TF: variants seen among roughly 807,000 people sequenced by gnomAD.
TF encodes the protein serotransferrin.
Under a neutral mutation model 82.4 loss-of-function variants are expected in TF, and 55 were observed. The observed-to-expected ratio is 0.67, with a 90% CI of 0.54 to 0.84. The LOEUF (loss-of-function observed/expected upper bound fraction) is 0.84, where lower values mean the gene tolerates loss of function less well. TF is among the 40% of genes least tolerant of loss of function. TF has a pLI of 0.00. For synonymous variants in TF, 332 were observed against 332.6 expected (o/e 1.00, Z 0.02); for missense variants, 737 against 868.4 (o/e 0.85, Z 1.90).
intron 14 of TF, chr3:133,774,910 C>T (rs574636278): frequency 5.9e-4 from 210 of 357,410 alleles, no homozygotes; most frequent in African/African-American, 4.3e-3. Flanking sequence ...GCAAAGGGGC[C>T]GAGATGGGAT....
Position 133,781,590 on chromosome 3 carries a change from C to A in TF, c.*2970C>A, listed in dbSNP as rs1194440632. 1.3e-5 allele frequency: 2 copies of A among 152,066 alleles called. No homozygotes were observed. Among genetic ancestry groups the A allele is most frequent in the African/African-American group, 2.4e-5 (1 of 41,432 alleles). 9.4% of individuals were successfully genotyped at this position (152,066 alleles called of 1,614,324 possible). A position where few individuals can be genotyped will look rare whatever the true frequency, so the allele number is the denominator to read the frequency against. The stretch of plus-strand genomic sequence containing the variant: ...ACTCAGTATTGTAAAGATGTCAATT[C>A]TCCCTAAATTAATCAATATACAATT... On this transcript the variant is annotated 3_prime_UTR_variant, in exon 17 of 17. Coordinates refer to ENST00000402696, the MANE Select transcript of TF (RefSeq NM_001063.4).
the TF span, among the ~76,000 whole-genome samples, chr3:133,736,645 A>AAAAAAAAAAAAAAAAAAAAAAAC: frequency 6.7e-6 from 1 of 149,882 alleles, no homozygotes; most frequent in African/African-American, 2.4e-5. Flanking sequence ...AAAAAAAAAA[A>AAAAAAAAAAAAAAAAAAAAAAAC]AAAAAAGCAG....
chr3:133,701,154 T>G, the TF span: 1 of 152,368 alleles, frequency 6.6e-6, no homozygotes, highest in African/African-American at 2.4e-5. Context: ...CACCCAAAGT[T>G]TATTGGCCTG....
chr3:133,775,495 G>A lies in TF; in HGVS notation c.1750G>A (p.Asp584Asn). 1 of 1,614,208 alleles carries A rather than the reference G, an allele frequency of 6.2e-7. No individual in the cohort carries two copies. Reference protein sequence around the residue: ...NEKDYELLCLDGTRKPVEEYA... With the variant: ...NEKDYELLCLNGTRKPVEEYA... ...AAAAGACTATGAGTTGCTGTGCCTT[G>A]ATGGTACCAGGAAACCTGTGGAGGA... is the stretch of plus-strand genomic sequence containing the variant. Residue 584 changes from aspartate to asparagine, a missense_variant, in exon 15 of 17, where the codon GAT becomes AAT. By Grantham distance (23) the Asp-to-Asn change is conservative. Transcript: ENST00000402696.
chr3:133,678,748 T>G, the TF span, among the ~76,000 whole-genome samples: 2 of 152,254 alleles, frequency 1.3e-5, no homozygotes, highest in African/African-American at 4.8e-5. Flanking sequence ...TCCTTGTAGA[T>G]TCTGGATATT....
In TF at chr3:133,770,525, G is replaced by C; in HGVS notation, c.1640G>C (p.Gly547Ala). Residue 547 changes from glycine (G) to alanine (A), a missense_variant, in exon 14 of 17, where the codon GGA (glycine) becomes GCA (alanine). Gly to Ala is a moderately conservative substitution (Grantham distance 60, BLOSUM62 0). Transcript: ENST00000402696. ...CTCTGCAGGTGTCTGGTTGAGAAGG[G>C]AGATGTGGCCTTTGTGAAACACCAG... ...TGAFRCLVEK[G>A]DVAFVKHQTV... 1 of 1,614,078 alleles carries C rather than the reference G, an allele frequency of 6.2e-7. No homozygotes were observed. Among genetic ancestry groups the C allele is most frequent in the Non-Finnish European group, 8.5e-7 (1 of 1,180,016 alleles).
the TF span, among the ~76,000 whole-genome samples, chr3:133,706,052 A>T: frequency 6.6e-6 from 1 of 152,068 alleles, no homozygotes; most frequent in East Asian, 1.9e-4. Context: ...AGACTCAGGG[A>T]CTGAGTGACT....
chr3:133,768,772 G>A (rs1296585054), intron 13 of TF, among the ~76,000 whole-genome samples: 5 of 145,392 alleles, frequency 3.4e-5, no homozygotes, highest in African/African-American at 1.3e-4. Context: ...AGAGATACCT[G>A]TGTACCTTGC....
chr3:133,685,293 C>T, the TF span, among the ~76,000 whole-genome samples: 1 of 152,156 alleles, frequency 6.6e-6, no homozygotes, highest in Non-Finnish European at 1.5e-5. Flanking sequence ...AAAACTGGCA[C>T]AAGACAGGGA....
At position 133,782,461 on chromosome 3, in the gene TF, T is replaced by TA. The variant is rs1273404110; in HGVS notation, c.*3846dup. 2 of 151,828 alleles carry TA rather than the reference T, an allele frequency of 1.3e-5. No homozygotes were observed. Among genetic ancestry groups the TA allele is most frequent in the Non-Finnish European group, 2.9e-5 (2 of 67,978 alleles). The allele number at this position is 151,828 out of a possible 1,614,324, so 9.4% of individuals were successfully genotyped here. A position where few individuals can be genotyped will look rare whatever the true frequency, so the allele number is the denominator to read the frequency against. On this transcript the variant is annotated 3_prime_UTR_variant, in exon 17 of 17. Coordinates refer to ENST00000402696, the MANE Select transcript of TF (RefSeq NM_001063.4). ...CACACAATGGAATATTATTCAGCCC[T>TA]AAAAAGAATATCTTGCCATTTGCCA...
At chr3:133,722,099 C>T in the TF span, among the ~76,000 whole-genome samples, 1 of 152,062 alleles carries the variant, frequency 6.6e-6, no homozygotes, top group African/African-American at 2.4e-5. Context: ...ACAGGCTGAT[C>T]TCAAACTCCT....
the TF span, among the ~76,000 whole-genome samples, chr3:133,717,976 A>T: frequency 6.6e-6 from 1 of 152,036 alleles, no homozygotes; most frequent in South Asian, 2.1e-4. Flanking sequence ...AACTTGAGAG[A>T]CCCAATAAAA....
At chr3:133,775,162 C>T (rs1934354254) in intron 14 of TF, 15 of 519,934 alleles carry the variant, frequency 2.9e-5, no homozygotes, top group South Asian at 1.7e-4. Flanking sequence ...TCTTTTTGAA[C>T]AGCATCTGCA....
Position 133,782,274 on chromosome 3 carries a change from A to G in TF, c.*3654A>G, listed in dbSNP as rs554934688. On this transcript the variant is annotated 3_prime_UTR_variant, in exon 17 of 17. Coordinates refer to ENST00000402696, the MANE Select transcript of TF (RefSeq NM_001063.4). ...TGAAAATAGGGCTACATATGACCCA[A>G]CAATCCCTCTTTAGGGGATATACAC... is the stretch of plus-strand genomic sequence containing the variant. The G allele has an allele frequency of 1.8e-4, 28 of 152,368 alleles. 1 individual carries two copies. The highest frequency in any genetic ancestry group is 6.7e-4 in the African/African-American group (28 of 41,586). The allele number at this position is 152,368 out of a possible 1,614,324, so 9.4% of individuals were successfully genotyped here. A position where few individuals can be genotyped will look rare whatever the true frequency, so the allele number is the denominator to read the frequency against.
At chr3:133,756,382 G>A (rs755594853) in intron 6 of TF, 45 bp downstream of exon 6, 2 of 1,588,222 alleles carry the variant, frequency 1.3e-6, no homozygotes, top group East Asian at 2.2e-5. Flanking sequence ...CAAGTAGTGG[G>A]TGTTCTTTTT....
At chr3:133,718,866 A>G in the TF span, among the ~76,000 whole-genome samples, 6 of 152,300 alleles carry the variant, frequency 3.9e-5, no homozygotes, top group South Asian at 1.0e-3. Context: ...AAGACAAGGG[A>G]TCATGCTCAT....
intron 1 of TF, among the ~76,000 whole-genome samples, chr3:133,747,624 C>T (rs915609556): frequency 6.4e-4 from 97 of 152,310 alleles, no homozygotes; most frequent in African/African-American, 2.2e-3. Flanking sequence ...TTAATAGTTA[C>T]CCATGGCTGG....
chr3:133,679,072 C>T, the TF span, among the ~76,000 whole-genome samples: 1 of 152,094 alleles, frequency 6.6e-6, no homozygotes, highest in African/African-American at 2.4e-5. Context: ...GGGGTTTCAC[C>T]ATGTTGGTCA....
chr3:133,725,892 T>A, the TF span, among the ~76,000 whole-genome samples: 1 of 152,250 alleles, frequency 6.6e-6, no homozygotes, highest in African/African-American at 2.4e-5. Context: ...GTCAAATGCC[T>A]TTTCTACATC....
Sources: gnomAD v4.1 joint callset for allele counts (sites outside exome capture counted in the v4.1 genomes callset) on GRCh38, gnomAD v4.1.1 for gene constraint, MANE v1.5 for transcripts, NCBI Gene and HGNC (gene_info 2026-07-23, HGNC 2026-07-21) for gene names.